GRSF1: variants seen among roughly 807,000 people sequenced by gnomAD.
GRSF1 encodes the protein G-rich sequence factor 1.
Under a neutral mutation model 51.1 loss-of-function variants are expected in GRSF1, and 50 were observed. The ratio of observed to expected loss-of-function variants is 0.98; its 90% CI spans 0.78 to 1.24. The LOEUF (loss-of-function observed/expected upper bound fraction) is 1.24. GRSF1 is among the 50% of genes most tolerant of loss of function. The pLI is 0.00. For synonymous variants in GRSF1, 293 were observed against 253.3 expected (o/e 1.16, Z -1.49); for missense variants, 700 against 639.7 (o/e 1.09, Z -1.02).
At chr4:70,839,106 C>CAA in intron 1 of GRSF1, 1 of 1,293,140 alleles carries the variant, frequency 7.7e-7, no homozygotes, top group Non-Finnish European at 1.0e-6. Flanking sequence ...TCGGGCCTCG[C>CAA]AACTTCACAA....
chr4:70,824,868 C>T (rs1733669701), intron 8 of GRSF1, among the ~76,000 whole-genome samples: 8 of 152,076 alleles, frequency 5.3e-5, no homozygotes. Flanking sequence ...TTTGGGAGGT[C>T]GAGGCAGGTG....
At chr4:70,821,805 A>G (rs1681174609) in intron 9 of GRSF1, among the ~76,000 whole-genome samples, 1 of 151,228 alleles carries the variant, frequency 6.6e-6, no homozygotes, top group Non-Finnish European at 1.5e-5. Context: ...CCTTCCCAGT[A>G]GCTGGAACTA....
At chr4:70,824,198 G>C in intron 9 of GRSF1, 96 bp downstream of exon 9, 1 of 557,950 alleles carries the variant, frequency 1.8e-6, no homozygotes, top group Non-Finnish European at 3.4e-6. Context: ...TTGAACTCCT[G>C]ACCTCAGGTG....
chr4:70,821,656 T>C (rs1266361136), intron 9 of GRSF1, among the ~76,000 whole-genome samples: 1 of 140,402 alleles, frequency 7.1e-6, no homozygotes, highest in Non-Finnish European at 1.5e-5. Context: ...AGAATGAATG[T>C]CCGTGTTTTT....
Position 70,826,168 on chromosome 4 carries a change from T to A in GRSF1, c.1213A>T (p.Met405Leu), listed in dbSNP as rs752828056. The change falls in exon 7 of 10, where the codon ATG becomes TTG. Residue 405 changes from methionine (M) to leucine (L), a missense_variant. Physicochemically the swap from Met to Leu is conservative, Grantham distance 15. Coordinates refer to ENST00000254799, the MANE Select transcript of GRSF1 (RefSeq NM_002092.4). ...GTTSSLHFVH[M>L]RGLPFQANAQ... is the part of the protein sequence containing the mutation. Reference sequence around the variant, plus strand: ...TTGGCTTGGAAAGGTAATCCTCTCATGTGGACAAAATGCAGAGAAGACGTA... The same window carrying A: ...TTGGCTTGGAAAGGTAATCCTCTCAAGTGGACAAAATGCAGAGAAGACGTA... 6.8e-6 allele frequency: 11 copies of A among 1,612,034 alleles called. No homozygotes were observed. The highest frequency in any genetic ancestry group is 9.3e-6 in the Non-Finnish European group (11 of 1,178,636).
intron 2 of GRSF1, among the ~76,000 whole-genome samples, chr4:70,835,070 T>G (rs1734142948): frequency 6.6e-6 from 1 of 152,150 alleles, no homozygotes; most frequent in African/African-American, 2.4e-5. Flanking sequence ...CCATGTTAGT[T>G]TGCTTAGGAT....
rs1205413809 is a variant in GRSF1 at position 70,817,044 on chromosome 4, T to G, written c.*3843A>C. On this transcript the variant is annotated 3_prime_UTR_variant, in exon 10 of 10. Coordinates refer to ENST00000254799, the MANE Select transcript of GRSF1 (RefSeq NM_002092.4). ...ACACCCACTAACACTTGCTTATAAA[T>G]AAAGTAAAAGTCACTGCAAGCTTAC... The G allele has an allele frequency of 6.6e-6, 1 of 152,118 alleles. No individual in the cohort carries two copies. Among genetic ancestry groups the G allele is most frequent in the Non-Finnish European group, 1.5e-5 (1 of 68,008 alleles). 9.4% of individuals were successfully genotyped at this position (152,118 alleles called of 1,614,324 possible).
At chr4:70,831,498 A>G (rs761254884) in intron 5 of GRSF1, 41 bp downstream of exon 5, 1 of 1,568,726 alleles carries the variant, frequency 6.4e-7, no homozygotes. Flanking sequence ...AAATGACTTA[A>G]TGTGTAACAC....
At chr4:70,839,900 G>T, upstream of GRSF1, 3 of 1,369,344 alleles carry the variant, frequency 2.2e-6, no homozygotes, top group Non-Finnish European at 2.8e-6. Context: ...TGGAATCCAG[G>T]GCCGGTTGGG....
Position 70,818,501 on chromosome 4 carries a change from G to A in GRSF1, c.*2386C>T, listed in dbSNP as rs1733391314. 6.6e-6 allele frequency: 1 copy of A among 152,118 alleles called. No individual in the cohort carries two copies. The highest frequency in any genetic ancestry group is 1.9e-4 in the East Asian group (1 of 5,186). The allele number at this position is 152,118 out of a possible 1,614,324, so 9.4% of individuals were successfully genotyped here. On this transcript the variant is annotated 3_prime_UTR_variant, in exon 10 of 10. Coordinates refer to ENST00000254799, the MANE Select transcript of GRSF1 (RefSeq NM_002092.4). The stretch of plus-strand genomic sequence containing the variant: ...GAGAATTTGGAGCCTTCCTCCCAGG[G>A]AAGATTCGGTCCCCCTTCCCACATG...
At chr4:70,825,960 T>A (rs925119475) in intron 7 of GRSF1, 164 bp downstream of exon 7, 2 of 617,354 alleles carry the variant, frequency 3.2e-6, no homozygotes, top group East Asian at 3.1e-5. Flanking sequence ...GCCACACTTT[T>A]CAGCTACAGA....
intron 1 of GRSF1, among the ~76,000 whole-genome samples, chr4:70,836,839 G>A (rs533984463): frequency 5.6e-4 from 85 of 152,328 alleles, no homozygotes; most frequent in African/African-American, 1.9e-3. Flanking sequence ...ATAAAAGATA[G>A]GGTATTCCAG....
In GRSF1 at chr4:70,823,761, T is replaced by C. The variant is rs1733616608; in HGVS notation, c.*25+533A>G. On this transcript the variant is annotated intron_variant, in intron 9 of 9. Coordinates refer to ENST00000254799, the MANE Select transcript of GRSF1 (RefSeq NM_002092.4). ...AGTACACACCTGTAGTCCCAGCTAC[T>C]TGGGAGGCTGAAGTGAGAGAATCAC... 3.3e-5 allele frequency among the ~76,000 whole-genome samples: 5 copies of C among 151,976 alleles called. No homozygotes were observed. The South Asian group carries it at 1.0e-3, about 32-fold the overall frequency.
intron 6 of GRSF1, among the ~76,000 whole-genome samples, chr4:70,827,256 C>T (rs1408904554): frequency 6.6e-6 from 1 of 150,644 alleles, no homozygotes; most frequent in Non-Finnish European, 1.5e-5. Flanking sequence ...CCACTGCACT[C>T]CAGCCTGGGC....
At chr4:70,837,949 A>AG (rs1734283888) in intron 1 of GRSF1, among the ~76,000 whole-genome samples, 1 of 151,526 alleles carries the variant, frequency 6.6e-6, no homozygotes, top group Admixed American at 6.6e-5. Context: ...GCTTAATGTT[A>AG]GGCCGGGCGC....
chr4:70,840,524 G>A (rs1465564436), upstream of GRSF1, among the ~76,000 whole-genome samples: 1 of 152,192 alleles, frequency 6.6e-6, no homozygotes, highest in Non-Finnish European at 1.5e-5. Context: ...CACTTTAGTA[G>A]GCCGAGGTAG....
chr4:70,839,463 C>A lies in GRSF1; in HGVS notation c.357+8G>T, dbSNP rs1734370447. 1 of 1,461,994 alleles carries A rather than the reference C, an allele frequency of 6.8e-7. No individual in the cohort carries two copies. Among genetic ancestry groups the A allele is most frequent in the African/African-American group, 1.5e-5 (1 of 67,380 alleles). The allele number at this position is 1,461,994 out of a possible 1,614,324, so 90.6% of individuals were successfully genotyped here. ...TCTCGCGCCAGGTCCCTCACGGCGC[C>A]CACGTACCTGGCTGTAGCTGCGCGT... On this transcript the variant is annotated splice_region_variant and intron_variant, in intron 1 of 9. Coordinates refer to ENST00000254799, the MANE Select transcript of GRSF1 (RefSeq NM_002092.4).
chr4:70,833,019 A>G, intron 3 of GRSF1, 99 bp downstream of exon 3: 1 of 1,056,434 alleles, frequency 9.5e-7, no homozygotes, highest in Non-Finnish European at 1.4e-6. Context: ...CATTCATACA[A>G]TCTAAATACT....
chr4:70,827,553 G>A (rs1420074388), intron 6 of GRSF1, among the ~76,000 whole-genome samples: 1 of 152,000 alleles, frequency 6.6e-6, no homozygotes, highest in African/African-American at 2.4e-5. Context: ...AGGAGGCTGC[G>A]GCTCACTTGA....
Sources: allele counts gnomAD v4.1 joint callset (sites outside exome capture counted in the v4.1 genomes callset), GRCh38; gene constraint gnomAD v4.1.1; transcripts MANE v1.5; gene names NCBI Gene and HGNC (gene_info 2026-07-23, HGNC 2026-07-21).